ZNF346: variants seen among roughly 807,000 people sequenced by gnomAD.
ZNF346 encodes double-stranded RNA-binding zinc finger protein JAZ.
ZNF346 carries 23 observed loss-of-function variants against 33.7 expected under a neutral mutation model. That is an observed-to-expected ratio of 0.68 (90% CI 0.49 to 0.97). The LOEUF (loss-of-function observed/expected upper bound fraction) is 0.97. ZNF346 is among the 50% of genes least tolerant of loss of function. The pLI, the probability that ZNF346 is intolerant of heterozygous loss-of-function variation, is 0.00. For synonymous variants in ZNF346, 134 were observed against 142.4 expected (o/e 0.94, Z 0.42); for missense variants, 340 against 371.1 (o/e 0.92, Z 0.69).
chr5:177,023,363 C>G, intron 1 of ZNF346: 1 of 717,602 alleles, frequency 1.4e-6, no homozygotes. Context: ...AAGGCCTTCT[C>G]CTTACCCCCT....
intron 5 of ZNF346, among the ~76,000 whole-genome samples, chr5:177,051,170 C>CTTTTTTTT (rs906484576): frequency 6.7e-5 from 7 of 104,844 alleles, no homozygotes; most frequent in Admixed American, 2.0e-4. Flanking sequence ...GTTTTCTTTT[C>CTTTTTTTT]TTTTTTTTTT....
intron 6 of ZNF346, among the ~76,000 whole-genome samples, chr5:177,063,913 C>A (rs1249735582): frequency 8.1e-6 from 1 of 123,500 alleles, no homozygotes; most frequent in African/African-American, 2.9e-5. Context: ...TTTAAAAAAG[C>A]CTCTAATTCT....
intron 1 of ZNF346, among the ~76,000 whole-genome samples, chr5:177,035,781 C>T (rs982959433): frequency 6.6e-6 from 1 of 151,616 alleles, no homozygotes; most frequent in Non-Finnish European, 1.5e-5. Context: ...GACACAGGCA[C>T]CTGCCACCAT....
chr5:177,060,281 A>G (rs1782315173), intron 5 of ZNF346, among the ~76,000 whole-genome samples: 1 of 152,116 alleles, frequency 6.6e-6, no homozygotes, highest in South Asian at 2.1e-4. Flanking sequence ...CCAGCACTTT[A>G]GGAGGTCGAG....
chr5:177,034,086 G>A (rs1362027947), intron 1 of ZNF346, among the ~76,000 whole-genome samples: 1 of 151,902 alleles, frequency 6.6e-6, no homozygotes, highest in African/African-American at 2.4e-5. Flanking sequence ...GTTTCACCAT[G>A]TTGTCTAAGC....
intron 1 of ZNF346, among the ~76,000 whole-genome samples, chr5:177,028,521 T>TATATATATATATATATATATATATATATC (rs56006820): frequency 7.4e-6 from 1 of 135,916 alleles, no homozygotes; most frequent in Non-Finnish European, 1.6e-5. Flanking sequence ...TATATATATA[T>TATATATATATATATATATATATATATATC]TTCCCTCCAT....
rs1783164326 is a variant in ZNF346 at position 177,066,368 on chromosome 5, G to A, written c.*1769G>A. On this transcript the variant is annotated 3_prime_UTR_variant, in exon 7 of 7. Coordinates refer to ENST00000358149, the MANE Select transcript of ZNF346 (RefSeq NM_012279.4). ...TGGCTTTCCAGGCTAATCACTTAGG[G>A]CAGAGACCCAGCCTTATTCATCTCT... is the stretch of plus-strand genomic sequence containing the variant. Among the ~76,000 whole-genome samples the A allele has an allele frequency of 1.3e-5, 2 of 151,950 alleles. No individual in the cohort carries two copies. The highest frequency in any genetic ancestry group is 4.8e-5 in the African/African-American group (2 of 41,366).
intron 4 of ZNF346, 102 bp downstream of exon 4, chr5:177,044,635 G>T (rs1779797397): frequency 7.8e-7 from 1 of 1,285,902 alleles, no homozygotes; most frequent in Non-Finnish European, 1.1e-6. Flanking sequence ...CAGACTTGAA[G>T]AAGTTGAATT....
rs10682528 is a variant in ZNF346 at position 177,028,040 on chromosome 5, C to CTTTTTTTTTT, written c.175+5150_175+5159dup. Among the ~76,000 whole-genome samples, 7 of 33,542 alleles carry CTTTTTTTTTT rather than the reference C, an allele frequency of 2.1e-4. 1 individual carries two copies. Among genetic ancestry groups the CTTTTTTTTTT allele is most frequent in the Admixed American group, 5.2e-4 (1 of 1,934 alleles). The allele number at this position is 33,542 out of a possible 152,430, so 22.0% of individuals were successfully genotyped here. A position where few individuals can be genotyped will look rare whatever the true frequency, so the allele number is the denominator to read the frequency against. The stretch of plus-strand genomic sequence containing the variant: ...GAATATTTTGTTTCTCCTTGTGTCA[C>CTTTTTTTTTT]TTTTTTTTTTTTTTTTTTTTTTTTT... On this transcript the variant is annotated intron_variant, in intron 1 of 6. Coordinates refer to ENST00000358149, the MANE Select transcript of ZNF346 (RefSeq NM_012279.4).
intron 1 of ZNF346, among the ~76,000 whole-genome samples, chr5:177,029,073 G>A (rs1430265624): frequency 6.6e-6 from 1 of 152,048 alleles, no homozygotes; most frequent in Non-Finnish European, 1.5e-5. Flanking sequence ...GGTGATTTTT[G>A]AGAAGTCCCT....
chr5:177,035,630 T>C (rs1778378473), intron 1 of ZNF346, among the ~76,000 whole-genome samples: 1 of 138,244 alleles, frequency 7.2e-6, no homozygotes, highest in South Asian at 2.2e-4. Flanking sequence ...CCCGGCTAAT[T>C]GACTTTTTTT....
At chr5:177,051,411 G>A (rs1780871231) in intron 5 of ZNF346, among the ~76,000 whole-genome samples, 1 of 151,880 alleles carries the variant, frequency 6.6e-6, no homozygotes, top group Non-Finnish European at 1.5e-5. Context: ...TCCTGACCTT[G>A]TGATCCGCCC....
intron 1 of ZNF346, among the ~76,000 whole-genome samples, chr5:177,027,242 G>A (rs918960245): frequency 6.6e-6 from 1 of 151,498 alleles, no homozygotes; most frequent in Admixed American, 6.6e-5. Flanking sequence ...TCGTAGAGAC[G>A]GAGTTTCACC....
In ZNF346 at chr5:177,079,100, G is replaced by A. The variant is rs144824012; in HGVS notation, c.*3-282G>A. ...AGCCTGGCCAACATGGTGAAGCTCC[G>A]TCTCTACTAAAAATACAAAAAATTA... On this transcript the variant is annotated intron_variant, in intron 8 of 8. Coordinates refer to the ZNF346 transcript ENST00000503039. 3.8e-3 allele frequency among the ~76,000 whole-genome samples: 576 copies of A among 151,940 alleles called. 3 individuals are homozygous for A. The highest frequency in any genetic ancestry group is 0.013 in the African/African-American group (531 of 41,450).
chr5:177,049,485 C>T (rs1780564272), intron 4 of ZNF346, among the ~76,000 whole-genome samples: 1 of 152,184 alleles, frequency 6.6e-6, no homozygotes, highest in African/African-American at 2.4e-5. Context: ...GAGGCAGCAG[C>T]GCAGCCTAGA....
At chr5:177,073,221 T>C (rs577075194) in intron 8 of ZNF346, among the ~76,000 whole-genome samples, 2 of 152,366 alleles carry the variant, frequency 1.3e-5, no homozygotes, top group East Asian at 3.8e-4. Context: ...AACTGCTTGG[T>C]GATTGAATAC....
At chr5:177,072,939 C>T (rs1183770649), downstream of ZNF346, among the ~76,000 whole-genome samples, 1 of 152,196 alleles carries the variant, frequency 6.6e-6, no homozygotes, top group Non-Finnish European at 1.5e-5. Flanking sequence ...TAACTTGCAA[C>T]CAAGATTTCT....
Position 177,050,822 on chromosome 5 carries a change from C to G in ZNF346, c.589C>G (p.Pro197Ala). 1 of 1,614,142 alleles carries G rather than the reference C, an allele frequency of 6.2e-7. No homozygotes were observed. Among genetic ancestry groups the G allele is most frequent in the Non-Finnish European group, 8.5e-7 (1 of 1,179,984 alleles). The change falls in exon 5 of 7, where the codon CCT becomes GCT. Residue 197 changes from proline (P) to alanine (A), a missense_variant. Transcript: ENST00000358149. Reference sequence around the variant, plus strand: ...CCTCTGCCATGCAACTTTCAACGACCCTGTCATGGCTCAACAACATTATGT... The same window carrying G: ...CCTCTGCCATGCAACTTTCAACGACGCTGTCATGGCTCAACAACATTATGT... Reference protein sequence around the residue: ...CSLCHATFNDPVMAQQHYVGK... With the variant: ...CSLCHATFNDAVMAQQHYVGK...
At chr5:177,030,584 G>A (rs1777538682) in intron 1 of ZNF346, among the ~76,000 whole-genome samples, 1 of 151,948 alleles carries the variant, frequency 6.6e-6, no homozygotes, top group Non-Finnish European at 1.5e-5. Flanking sequence ...TGGGATTATA[G>A]GCGTGAGCCA....
Sources: allele counts gnomAD v4.1 joint callset (sites outside exome capture counted in the v4.1 genomes callset), GRCh38; gene constraint gnomAD v4.1.1; transcripts MANE v1.5; gene names NCBI Gene and HGNC (gene_info 2026-07-23, HGNC 2026-07-21).